STK33: variants seen among roughly 807,000 people sequenced by gnomAD.
STK33 encodes the protein serine/threonine-protein kinase 33.
STK33 carries 52 observed loss-of-function variants against 58.0 expected under a neutral mutation model. That is an observed-to-expected ratio of 0.90 (90% confidence interval 0.72 to 1.13). The LOEUF (loss-of-function observed/expected upper bound fraction) is 1.13, where lower values mean the gene tolerates loss of function less well. STK33 is among the 50% of genes most tolerant of loss of function. STK33 has a pLI of 0.00. For missense variants in STK33, 630 were observed against 604.2 expected (o/e 1.04, Z -0.45); for synonymous variants, 215 against 200.1 (o/e 1.07, Z -0.63).
At chr11:8,401,963 A>G (rs1590767062) in intron 15 of STK33, among the ~76,000 whole-genome samples, 2 of 152,118 alleles carry the variant, frequency 1.3e-5, no homozygotes, top group East Asian at 1.9e-4. Flanking sequence ...AAGTCAGGAA[A>G]CAACAGGTGC....
At chr11:8,559,070 AGAG>A (rs1956956776) in intron 1 of STK33, among the ~76,000 whole-genome samples, 1 of 152,208 alleles carries the variant, frequency 6.6e-6, no homozygotes, top group South Asian at 2.1e-4. Context: ...TAGAAAATGT[AGAG>A]GTCCACTTGC....
intron 11 of STK33, among the ~76,000 whole-genome samples, chr11:8,448,327 C>G (rs987595955): frequency 6.6e-6 from 1 of 152,072 alleles, no homozygotes; most frequent in African/African-American, 2.4e-5. Flanking sequence ...ATTGCCAAGT[C>G]AATCCTAAGC....
chr11:8,463,946 C>G (rs1013443232), intron 7 of STK33, among the ~76,000 whole-genome samples: 2 of 152,144 alleles, frequency 1.3e-5, no homozygotes, highest in Non-Finnish European at 2.9e-5. Context: ...TGATATGTTA[C>G]CTTACTAAAC....
chr11:8,451,432 A>C (rs1243277291), intron 11 of STK33, among the ~76,000 whole-genome samples: 1 of 152,246 alleles, frequency 6.6e-6, no homozygotes, highest in East Asian at 1.9e-4. Context: ...TACATGCTAC[A>C]ACATGAACGT....
the STK33 span, among the ~76,000 whole-genome samples, chr11:8,345,395 C>T: frequency 1.3e-5 from 2 of 152,232 alleles, no homozygotes; most frequent in African/African-American, 4.8e-5. Flanking sequence ...CCATTAAACC[C>T]TCGTCTCCCT....
chr11:8,455,129 T>C (rs947636512), intron 9 of STK33, among the ~76,000 whole-genome samples: 1 of 152,162 alleles, frequency 6.6e-6, no homozygotes, highest in Non-Finnish European at 1.5e-5. Flanking sequence ...TGCTTAGGTA[T>C]TCCCAGGAGG....
At chr11:8,427,138 T>TCTA (rs145249414) in intron 14 of STK33, among the ~76,000 whole-genome samples, 8,067 of 152,298 alleles carry the variant, frequency 0.053, 289 homozygotes, top group Non-Finnish European at 0.071. Context: ...TGTAAGTACT[T>TCTA]CTACCATGTG....
chr11:8,519,129 A>G (rs1382339262), intron 1 of STK33, among the ~76,000 whole-genome samples: 1 of 152,226 alleles, frequency 6.6e-6, no homozygotes, highest in Non-Finnish European at 1.5e-5. Flanking sequence ...AACAGAAATT[A>G]TAACAAACTG....
chr11:8,493,021 C>T (rs572782801), intron 1 of STK33, among the ~76,000 whole-genome samples: 46 of 152,290 alleles, frequency 3.0e-4, no homozygotes, highest in African/African-American at 1.1e-3. Flanking sequence ...GACACCCTAA[C>T]ATTACAATTA....
chr11:8,536,972 ATTTTTTTTTTT>A (rs1232336873), intron 1 of STK33, among the ~76,000 whole-genome samples: 1 of 65,734 alleles, frequency 1.5e-5, no homozygotes, highest in Admixed American at 2.9e-4. Context: ...AAAAAAAAAG[ATTTTTTTTTTT>A]TTTTTTTTTT....
At chr11:8,456,902 G>C (rs1946925026) in intron 9 of STK33, among the ~76,000 whole-genome samples, 1 of 152,030 alleles carries the variant, frequency 6.6e-6, no homozygotes, top group Non-Finnish European at 1.5e-5. Flanking sequence ...AGTGGGGCAG[G>C]TTGTGCATAA....
chr11:8,509,823 T>A (rs1322323534), intron 1 of STK33, among the ~76,000 whole-genome samples: 1 of 152,224 alleles, frequency 6.6e-6, no homozygotes, highest in Non-Finnish European at 1.5e-5. Flanking sequence ...TCCAAGTTGC[T>A]ACAAGGGCCA....
At chr11:8,518,112 A>T (rs1464209454) in intron 1 of STK33, among the ~76,000 whole-genome samples, 1 of 152,212 alleles carries the variant, frequency 6.6e-6, no homozygotes, top group African/African-American at 2.4e-5. Flanking sequence ...TTACCCACAA[A>T]GGGAAGCCCA....
At chr11:8,347,667 G>T in the STK33 span, among the ~76,000 whole-genome samples, 1 of 152,240 alleles carries the variant, frequency 6.6e-6, no homozygotes, top group Non-Finnish European at 1.5e-5. Flanking sequence ...GCCAGAACTA[G>T]TCATGTGGCC....
chr11:8,484,705 A>G (rs972715575), intron 1 of STK33, among the ~76,000 whole-genome samples: 4 of 152,234 alleles, frequency 2.6e-5, no homozygotes, highest in African/African-American at 9.6e-5. Flanking sequence ...TTAACAACTG[A>G]TTGAGAAGGA....
downstream of STK33, chr11:8,391,751 C>T (rs1848635116): frequency 6.6e-6 from 1 of 152,478 alleles, no homozygotes; most frequent in Non-Finnish European, 1.5e-5. Flanking sequence ...CTGTTTCTTG[C>T]TTCATGATCT....
intron 1 of STK33, among the ~76,000 whole-genome samples, chr11:8,518,289 G>A (rs2139707436): frequency 6.6e-6 from 1 of 152,264 alleles, no homozygotes; most frequent in Non-Finnish European, 1.5e-5. Flanking sequence ...ACAAGCAAAT[G>A]CTGAGAGATT....
chr11:8,436,784 G>A (rs1479367071), intron 12 of STK33, among the ~76,000 whole-genome samples: 2 of 152,104 alleles, frequency 1.3e-5, no homozygotes, highest in Non-Finnish European at 2.9e-5. Context: ...TGCAACCTCC[G>A]CCTCCTGGAT....
Position 8,523,101 on chromosome 11 carries a change from T to G in STK33, c.-465-42487A>C, listed in dbSNP as rs951854356. On this transcript the variant is annotated intron_variant, in intron 1 of 15. Coordinates refer to ENST00000687296, the MANE Select transcript of STK33 (RefSeq NM_001352389.2). ...AGTCTCGCTCACTCAGTGCTCAATGTTGCCCAGGCTGGAGGGCAGTGGCGT... is the reference window on the plus strand; with the variant it reads ...AGTCTCGCTCACTCAGTGCTCAATGGTGCCCAGGCTGGAGGGCAGTGGCGT... 2.6e-5 allele frequency among the ~76,000 whole-genome samples: 4 copies of G among 152,232 alleles called. No homozygotes were observed. In the East Asian group the frequency reaches 5.8e-4, roughly 22 times the overall value.
Sources: gnomAD v4.1 joint callset for allele counts (sites outside exome capture counted in the v4.1 genomes callset) on GRCh38, gnomAD v4.1.1 for gene constraint, MANE v1.5 for transcripts, NCBI Gene and HGNC (gene_info 2026-07-23, HGNC 2026-07-21) for gene names.